The following TENM2 variants were observed in gnomAD, a reference collection of about 807,000 sequenced individuals.
TENM2 encodes the protein teneurin-2.
TENM2 carries 52 observed loss-of-function variants against 245.2 expected under a neutral mutation model. The observed-to-expected ratio is 0.21, with a 90% CI of 0.17 to 0.27. The LOEUF (loss-of-function observed/expected upper bound fraction) is 0.27, where lower values mean the gene tolerates loss of function less well. TENM2 is among the 10% of genes least tolerant of loss of function. TENM2 has a pLI of 1.00. For missense variants in TENM2, 3,046 were observed against 3,666.8 expected (o/e 0.83, Z 4.37); for synonymous variants, 1,363 against 1,438.9 (o/e 0.95, Z 1.19).
intron 2 of TENM2, among the ~76,000 whole-genome samples, chr5:167,872,506 A>AAG (rs1192915273): frequency 6.6e-5 from 1 of 15,090 alleles, no homozygotes; most frequent in Middle Eastern, 0.031. Context: ...GAAAGAAAGA[A>AAG]AGAAAGAAAG....
chr5:167,306,179 G>A lies in TENM2; in HGVS notation c.226+21116G>A, dbSNP rs180944164. ...AGGCAGTAGCCTGCTCCTTATATTCGATTCGGTAAGAATTATAGATATGAG... is the reference window on the plus strand; with the variant it reads ...AGGCAGTAGCCTGCTCCTTATATTCAATTCGGTAAGAATTATAGATATGAG... On this transcript the variant is annotated intron_variant, in intron 1 of 28. Transcript: ENST00000518659. 5.3e-5 allele frequency: 8 copies of A among 152,242 alleles called. No homozygotes were observed. In the East Asian group the frequency reaches 1.2e-3, roughly 22 times the overall value. 9.4% of individuals were successfully genotyped at this position (152,242 alleles called of 1,614,324 possible).
At chr5:167,141,491 AT>A in the TENM2 span, among the ~76,000 whole-genome samples, 1 of 152,312 alleles carries the variant, frequency 6.6e-6, no homozygotes, top group Middle Eastern at 3.4e-3. Context: ...AACTTTAAGA[AT>A]TTGGGAATGA....
At chr5:167,571,247 C>G (rs1275262057) in intron 2 of TENM2, among the ~76,000 whole-genome samples, 7 of 152,104 alleles carry the variant, frequency 4.6e-5, no homozygotes, top group Non-Finnish European at 7.4e-5. Flanking sequence ...AAGCAGGTAG[C>G]CTTACACCCA....
At chr5:167,223,174 GT>G in the TENM2 span, among the ~76,000 whole-genome samples, 1 of 152,026 alleles carries the variant, frequency 6.6e-6, no homozygotes, top group Non-Finnish European at 1.5e-5. Context: ...ATTTCTATTT[GT>G]TGGGTACATT....
chr5:167,255,760 G>A, the TENM2 span, among the ~76,000 whole-genome samples: 2 of 152,142 alleles, frequency 1.3e-5, no homozygotes, highest in African/African-American at 2.4e-5. Flanking sequence ...TAAAGAATAT[G>A]TCAGTGCTGG....
chr5:167,982,004 A>G (rs79986782), intron 4 of TENM2, among the ~76,000 whole-genome samples: 11,620 of 151,328 alleles, frequency 0.077, 1,015 homozygotes, highest in East Asian at 0.44. Flanking sequence ...AAGAAAAAAG[A>G]AAAAAAGAAA....
chr5:167,881,441 G>C (rs1773868907), intron 3 of TENM2, among the ~76,000 whole-genome samples: 1 of 152,136 alleles, frequency 6.6e-6, no homozygotes, highest in African/African-American at 2.4e-5. Context: ...CAGTTTCTCT[G>C]GTGACAGATT....
At chr5:167,574,117 C>T (rs891190867) in intron 2 of TENM2, 2 of 152,114 alleles carry the variant, frequency 1.3e-5, no homozygotes, top group South Asian at 4.1e-4. Flanking sequence ...GCAGCAGAAG[C>T]CGATTTTTCA....
At chr5:168,199,971 C>T in exon 17 of TENM2, 1 of 1,614,000 alleles carries the variant, frequency 6.2e-7, no homozygotes. Flanking sequence ...TGACCCAGTC[C>T]ACAGTGCCCC....
At chr5:167,810,646 A>C (rs1583068064) in intron 2 of TENM2, among the ~76,000 whole-genome samples, 1 of 152,168 alleles carries the variant, frequency 6.6e-6, no homozygotes, top group South Asian at 2.1e-4. Context: ...AACTCTAATT[A>C]AATCAGGAAG....
intron 2 of TENM2, among the ~76,000 whole-genome samples, chr5:167,847,549 C>T (rs571572120): frequency 6.6e-6 from 1 of 152,324 alleles, no homozygotes; most frequent in South Asian, 2.1e-4. Flanking sequence ...CCTGTACACA[C>T]AAGACCCTGT....
the TENM2 span, among the ~76,000 whole-genome samples, chr5:167,160,616 T>A: frequency 6.6e-6 from 1 of 152,254 alleles, no homozygotes; most frequent in African/African-American, 2.4e-5. Flanking sequence ...AATTGTCACT[T>A]CCTCAGAGAA....
intron 2 of TENM2, among the ~76,000 whole-genome samples, chr5:167,445,092 T>G (rs1765082219): frequency 6.6e-6 from 1 of 151,984 alleles, no homozygotes; most frequent in African/African-American, 2.4e-5. Flanking sequence ...CTGCTTGTAA[T>G]AGTAGTAGCA....
chr5:167,179,078 A>G, the TENM2 span, among the ~76,000 whole-genome samples: 1 of 152,192 alleles, frequency 6.6e-6, no homozygotes, highest in Non-Finnish European at 1.5e-5. Context: ...ATAAGCTGTT[A>G]TACTTTGTGA....
intron 1 of TENM2, among the ~76,000 whole-genome samples, chr5:167,288,454 C>T (rs924318570): frequency 6.6e-6 from 1 of 151,226 alleles, no homozygotes; most frequent in Non-Finnish European, 1.5e-5. Flanking sequence ...AGCTACTCAG[C>T]AGGCTGAGGC....
chr5:167,343,402 G>A (rs1347126166), intron 1 of TENM2, among the ~76,000 whole-genome samples: 1 of 152,076 alleles, frequency 6.6e-6, no homozygotes, highest in East Asian at 1.9e-4. Context: ...TTAGGTGTTA[G>A]CTTTAATATT....
chr5:167,208,392 GT>G, the TENM2 span, among the ~76,000 whole-genome samples: 1 of 152,262 alleles, frequency 6.6e-6, no homozygotes, highest in East Asian at 1.9e-4. Context: ...AGGCTCTGAG[GT>G]TCCACATCCT....
At chr5:167,568,259 A>C (rs977249634) in intron 2 of TENM2, among the ~76,000 whole-genome samples, 2 of 152,172 alleles carry the variant, frequency 1.3e-5, no homozygotes, top group African/African-American at 2.4e-5. Flanking sequence ...ATTTTGAACA[A>C]AGGATAGCAT....
chr5:168,057,337 TCA>T (rs1789636218), intron 6 of TENM2, among the ~76,000 whole-genome samples: 3 of 138,790 alleles, frequency 2.2e-5, no homozygotes, highest in African/African-American at 7.8e-5. Flanking sequence ...ACACACTCAC[TCA>T]CACTCACACT....
Sources: allele counts gnomAD v4.1 joint callset (sites outside exome capture counted in the v4.1 genomes callset), GRCh38; gene constraint gnomAD v4.1.1; transcripts MANE v1.5; gene names NCBI Gene and HGNC (gene_info 2026-07-23, HGNC 2026-07-21).